The following CTTNBP2 variants were observed in gnomAD, a reference collection of about 807,000 sequenced individuals.
CTTNBP2 encodes the protein cortactin binding protein 2.
Under a neutral mutation model 156.9 loss-of-function variants are expected in CTTNBP2, and 108 were observed. The observed-to-expected ratio is 0.69, with a 90% CI of 0.59 to 0.81. The LOEUF (loss-of-function observed/expected upper bound fraction) is 0.81. CTTNBP2 is among the 30% of genes least tolerant of loss of function. CTTNBP2 has a pLI of 0.00. For synonymous variants in CTTNBP2, 767 were observed against 751.8 expected (o/e 1.02, Z -0.33); for missense variants, 1,924 against 2,035.4 (o/e 0.95, Z 1.05).
At chr7:117,763,288 G>A (rs368648593) in intron 9 of CTTNBP2, among the ~76,000 whole-genome samples, 166 of 152,228 alleles carry the variant, frequency 1.1e-3, no homozygotes, top group African/African-American at 3.9e-3. Flanking sequence ...TAATAAAAAG[G>A]TGTTTATTCA....
chr7:117,847,253 AG>A (rs758847434), intron 2 of CTTNBP2, among the ~76,000 whole-genome samples: 5 of 152,190 alleles, frequency 3.3e-5, no homozygotes, highest in Non-Finnish European at 7.3e-5. Flanking sequence ...GCAGAAAACT[AG>A]GCCGGGTGTG....
chr7:117,849,650 C>T (rs1802814114), intron 2 of CTTNBP2, among the ~76,000 whole-genome samples: 2 of 152,076 alleles, frequency 1.3e-5, no homozygotes. Flanking sequence ...CACACAGATC[C>T]CGTGCTCTGG....
At chr7:117,723,517 G>A (rs901314255) in intron 19 of CTTNBP2, among the ~76,000 whole-genome samples, 1 of 152,020 alleles carries the variant, frequency 6.6e-6, no homozygotes, top group African/African-American at 2.4e-5. Flanking sequence ...CACATGAGGT[G>A]GAAATTTCTT....
intron 2 of CTTNBP2, among the ~76,000 whole-genome samples, chr7:117,815,745 C>T (rs1043949109): frequency 1.3e-5 from 2 of 152,116 alleles, no homozygotes; most frequent in African/African-American, 2.4e-5. Flanking sequence ...AAGGCATTCA[C>T]GTTTTTTTAA....
chr7:117,782,776 A>G, intron 6 of CTTNBP2, 86 bp downstream of exon 6: 5 of 806,762 alleles, frequency 6.2e-6, no homozygotes. Flanking sequence ...ACTAGTTTAC[A>G]CATTCAGCCG....
At chr7:117,870,556 C>A (rs994389093) in intron 1 of CTTNBP2, among the ~76,000 whole-genome samples, 1 of 152,186 alleles carries the variant, frequency 6.6e-6, no homozygotes, top group Non-Finnish European at 1.5e-5. Context: ...CTATTAGCTG[C>A]TCCAGAAAAG....
At chr7:117,865,705 GA>G (rs1370656962) in intron 1 of CTTNBP2, among the ~76,000 whole-genome samples, 6 of 138,870 alleles carry the variant, frequency 4.3e-5, no homozygotes, top group Admixed American at 1.5e-4. Context: ...AGAAAAAATA[GA>G]AAAACAGATT....
At chr7:117,745,255 C>T (rs1261272680) in intron 14 of CTTNBP2, among the ~76,000 whole-genome samples, 2 of 152,190 alleles carry the variant, frequency 1.3e-5, no homozygotes, top group Non-Finnish European at 2.9e-5. Context: ...GTGACCCTTT[C>T]CCCACCTTTG....
intron 5 of CTTNBP2, 27 bp from the exon 6 acceptor site, chr7:117,782,988 A>G: frequency 6.4e-7 from 1 of 1,561,950 alleles, no homozygotes; most frequent in Non-Finnish European, 8.8e-7. Context: ...AAAGCCATGT[A>G]AATTCCCCAT....
intron 19 of CTTNBP2, among the ~76,000 whole-genome samples, chr7:117,723,521 ATTTCT>A (rs902371976): frequency 1.4e-4 from 21 of 152,302 alleles, no homozygotes; most frequent in Admixed American, 5.2e-4. Flanking sequence ...TGAGGTGGAA[ATTTCT>A]TTTCATTTTT....
intron 22 of CTTNBP2, among the ~76,000 whole-genome samples, chr7:117,715,359 AG>A: frequency 6.6e-6 from 1 of 151,940 alleles, no homozygotes. Flanking sequence ...ATGACAGATC[AG>A]GGCTATGTTT....
intron 19 of CTTNBP2, among the ~76,000 whole-genome samples, chr7:117,723,422 C>T (rs1466048154): frequency 2.6e-5 from 4 of 152,156 alleles, no homozygotes; most frequent in Non-Finnish European, 5.9e-5. Context: ...AGAAACCCCA[C>T]TGCTATAAAG....
At chr7:117,841,124 A>G (rs1168883974) in intron 2 of CTTNBP2, among the ~76,000 whole-genome samples, 11 of 152,206 alleles carry the variant, frequency 7.2e-5, no homozygotes, top group Non-Finnish European at 1.5e-4. Context: ...CCAAACCTAA[A>G]TAAGTGAGAA....
intron 12 of CTTNBP2, among the ~76,000 whole-genome samples, chr7:117,751,996 A>T (rs1796642767): frequency 6.6e-6 from 1 of 152,100 alleles, no homozygotes; most frequent in Admixed American, 6.5e-5. Flanking sequence ...TCCCACTTTC[A>T]CTAGGACCTC....
Position 117,711,196 on chromosome 7 carries a change from T to A in CTTNBP2, c.*341A>T, listed in dbSNP as rs1054494606. The A allele has an allele frequency of 2.5e-5, 4 of 162,916 alleles. No individual in the cohort carries two copies. The highest frequency in any genetic ancestry group is 4.0e-5 in the Non-Finnish European group (3 of 74,660). The allele number at this position is 162,916 out of a possible 1,614,324, so 10.1% of individuals were successfully genotyped here. A position where few individuals can be genotyped will look rare whatever the true frequency, so the allele number is the denominator to read the frequency against. ...TATGATTTCTGGACTTCCTTAAATATACATACATATATACATATATACAGA... is the reference window on the plus strand; with the variant it reads ...TATGATTTCTGGACTTCCTTAAATAAACATACATATATACATATATACAGA... On this transcript the variant is annotated 3_prime_UTR_variant, in exon 23 of 23. Coordinates refer to ENST00000160373, the MANE Select transcript of CTTNBP2 (RefSeq NM_033427.3).
At position 117,716,521 on chromosome 7, in the gene CTTNBP2, G is replaced by C. The variant is rs35345098; in HGVS notation, c.4746+1497C>G. ...AGCTCAGAGCAAGCCAATAAATACA[G>C]GGGGAGTGAGTTGAGGCTTTAAAGA... On this transcript the variant is annotated intron_variant, in intron 22 of 22. Coordinates refer to ENST00000160373, the MANE Select transcript of CTTNBP2 (RefSeq NM_033427.3). Among the ~76,000 whole-genome samples the C allele has an allele frequency of 2.0e-5, 3 of 152,118 alleles. No homozygotes were observed. In the East Asian group the frequency reaches 5.8e-4, roughly 29 times the overall value.
chr7:117,758,783 ACT>A (rs909290302), intron 10 of CTTNBP2, among the ~76,000 whole-genome samples: 3 of 152,122 alleles, frequency 2.0e-5, no homozygotes, highest in African/African-American at 7.2e-5. Flanking sequence ...TATCCACAAA[ACT>A]CAACGATTTT....
At chr7:117,782,477 T>C (rs962316849) in intron 6 of CTTNBP2, among the ~76,000 whole-genome samples, 6 of 152,248 alleles carry the variant, frequency 3.9e-5, no homozygotes, top group African/African-American at 1.2e-4. Context: ...AATATAATTC[T>C]ATGTTCTACT....
chr7:117,830,130 A>G (rs891357604), intron 2 of CTTNBP2, among the ~76,000 whole-genome samples: 1 of 152,152 alleles, frequency 6.6e-6, no homozygotes, highest in Non-Finnish European at 1.5e-5. Flanking sequence ...CAAAATTACT[A>G]CTTTGGAAGC....
Sources: allele counts gnomAD v4.1 joint callset (sites outside exome capture counted in the v4.1 genomes callset), GRCh38; gene constraint gnomAD v4.1.1; transcripts MANE v1.5; gene names NCBI Gene and HGNC (gene_info 2026-07-23, HGNC 2026-07-21).